Variants in PDZD2 observed in about 807,000 individuals in gnomAD.
PDZD2 encodes the protein PDZ domain containing 2.
Under a neutral mutation model 220.7 loss-of-function variants are expected in PDZD2, and 90 were observed. That is an observed-to-expected ratio of 0.41 (90% CI 0.34 to 0.49). The LOEUF (loss-of-function observed/expected upper bound fraction) is 0.49. Among genes scored for constraint, PDZD2 ranks in the 20% least tolerant of loss-of-function variants. The pLI, the probability that PDZD2 is intolerant of heterozygous loss-of-function variation, is 0.28. For missense variants in PDZD2, 3,174 were observed against 3,608.5 expected (o/e 0.88, Z 3.08); for synonymous variants, 1,375 against 1,450.5 (o/e 0.95, Z 1.18).
intron 2 of PDZD2, among the ~76,000 whole-genome samples, chr5:31,965,068 C>T (rs1304646322): frequency 6.6e-6 from 1 of 152,096 alleles, no homozygotes; most frequent in East Asian, 1.9e-4. Context: ...TGATAGGGCT[C>T]CGATGAGTGG....
intron 1 of PDZD2, among the ~76,000 whole-genome samples, chr5:31,737,373 C>A (rs563479808): frequency 6.6e-6 from 1 of 151,894 alleles, no homozygotes; most frequent in Admixed American, 6.6e-5. Flanking sequence ...GGGGTTTCAC[C>A]GTGTTAGCCA....
chr5:31,823,910 C>G (rs538233660), intron 2 of PDZD2, among the ~76,000 whole-genome samples: 1 of 152,060 alleles, frequency 6.6e-6, no homozygotes, highest in Admixed American at 6.6e-5. Flanking sequence ...ATGTGTAAGG[C>G]GAAGGGGCTT....
At chr5:31,979,640 A>G (rs1270422497) in intron 2 of PDZD2, among the ~76,000 whole-genome samples, 1 of 152,168 alleles carries the variant, frequency 6.6e-6, no homozygotes, top group African/African-American at 2.4e-5. Context: ...CACCAGATCA[A>G]TACTGTTGGG....
At chr5:32,059,492 A>G (rs6889757) in intron 13 of PDZD2, 136 bp downstream of exon 13, 251 of 505,904 alleles carry the variant, frequency 5.0e-4, no homozygotes, top group African/African-American at 4.2e-3. Context: ...AGCCAAGACT[A>G]CAATTAATAG....
At chr5:31,674,778 G>A (rs1000260330) in intron 1 of PDZD2, among the ~76,000 whole-genome samples, 6 of 152,194 alleles carry the variant, frequency 3.9e-5, no homozygotes, top group African/African-American at 1.2e-4. Context: ...TCTTTGTGGC[G>A]GGTATGGTAC....
chr5:31,983,575 T>A lies in PDZD2; in HGVS notation c.897T>A (p.Ala299=). ...GTEHRIPKTD[A]PLTTSNDKRR... is the part of the protein sequence containing the mutation. ...AGCATAGAATTCCAAAGACAGATGCTCCTCTGACCACAAGCAATGACAAAC... is the reference window on the plus strand; with the variant it reads ...AGCATAGAATTCCAAAGACAGATGCACCTCTGACCACAAGCAATGACAAAC... The change falls in exon 3 of 25, where the codon GCT becomes GCA. Residue 299 remains alanine, a synonymous_variant. Coordinates refer to ENST00000438447, the MANE Select transcript of PDZD2 (RefSeq NM_178140.4). 1.2e-6 allele frequency: 2 copies of A among 1,614,066 alleles called. No individual in the cohort carries two copies. The highest frequency in any genetic ancestry group is 1.7e-6 in the Non-Finnish European group (2 of 1,179,976).
chr5:31,847,147 G>C (rs1179447598), intron 2 of PDZD2: 1 of 160,796 alleles, frequency 6.2e-6, no homozygotes, highest in Non-Finnish European at 1.4e-5. Flanking sequence ...CTGTCTCATA[G>C]ATACTGAATT....
intron 6 of PDZD2, among the ~76,000 whole-genome samples, chr5:32,028,147 A>G (rs1581317230): frequency 6.6e-6 from 1 of 152,190 alleles, no homozygotes; most frequent in African/African-American, 2.4e-5. Context: ...CACAAAGGAA[A>G]CAGCTGGAGA....
At position 32,110,433 on chromosome 5, in the gene PDZD2, A is replaced by T. The variant is rs530660190; in HGVS notation, c.*2298A>T. ...AAAAGCTAAACTGTCTTTGACCCTAAGATAGATAGAAAGCTATTTATTTGT... is the reference window on the plus strand; with the variant it reads ...AAAAGCTAAACTGTCTTTGACCCTATGATAGATAGAAAGCTATTTATTTGT... On this transcript the variant is annotated 3_prime_UTR_variant, in exon 25 of 25. Coordinates refer to ENST00000438447, the MANE Select transcript of PDZD2 (RefSeq NM_178140.4). The T allele has an allele frequency of 3.9e-5, 6 of 152,536 alleles. No homozygotes were observed. Among genetic ancestry groups the T allele is most frequent in the African/African-American group, 1.4e-4 (6 of 41,472 alleles). The allele number at this position is 152,536 out of a possible 1,614,324, so 9.4% of individuals were successfully genotyped here. A position where few individuals can be genotyped will look rare whatever the true frequency, so the allele number is the denominator to read the frequency against.
At position 31,799,465 on chromosome 5, in the gene PDZD2, C is replaced by G; in HGVS notation, c.217C>G (p.Leu73Val). The change falls in exon 2 of 25, where the codon CTC becomes GTC. Residue 73 changes from leucine (L) to valine (V), a missense_variant. Physicochemically the swap from Leu to Val is conservative, Grantham distance 32. Around this residue, in one of 4 missense-constraint regions of PDZD2, gnomAD observed 632 missense variants for 708.1 expected, o/e 0.89. Transcript: ENST00000438447. Reference protein sequence around the residue: ...PPEMEICTVYLTKELGDTETV... With the variant: ...PPEMEICTVYVTKELGDTETV... ...CGAAATGGAGATCTGTACTGTGTAC[C>G]TCACCAAGGAGCTGGGGGACACAGA... 1 of 1,614,162 alleles carries G rather than the reference C, an allele frequency of 6.2e-7. No individual in the cohort carries two copies. The highest frequency in any genetic ancestry group is 2.2e-5 in the East Asian group (1 of 44,872).
chr5:31,916,391 G>A (rs542677890), intron 2 of PDZD2, among the ~76,000 whole-genome samples: 11 of 152,364 alleles, frequency 7.2e-5, no homozygotes, highest in Non-Finnish European at 1.6e-4. Context: ...ACAGTCAGGT[G>A]TAGAGGCCTG....
chr5:31,701,116 G>T (rs1747587927), intron 1 of PDZD2, among the ~76,000 whole-genome samples: 1 of 152,220 alleles, frequency 6.6e-6, no homozygotes, highest in African/African-American at 2.4e-5. Context: ...CCAGTGCTGA[G>T]CACACAGCGG....
chr5:31,850,234 A>AT (rs1561508256), intron 2 of PDZD2, among the ~76,000 whole-genome samples: 1 of 98,080 alleles, frequency 1.0e-5, no homozygotes, highest in Non-Finnish European at 2.2e-5. Flanking sequence ...AAGTATATAT[A>AT]TATATATATA....
At chr5:32,023,014 G>A (rs1754344790) in intron 6 of PDZD2, among the ~76,000 whole-genome samples, 1 of 152,162 alleles carries the variant, frequency 6.6e-6, no homozygotes, top group African/African-American at 2.4e-5. Flanking sequence ...CAGGAGTGAT[G>A]GTCATGAGGA....
intron 1 of PDZD2, among the ~76,000 whole-genome samples, chr5:31,696,749 C>G (rs1747396472): frequency 6.6e-6 from 1 of 152,208 alleles, no homozygotes; most frequent in African/African-American, 2.4e-5. Flanking sequence ...GTCTCTTAAC[C>G]TCAACCCCTT....
At chr5:31,645,483 C>T (rs962610132) in intron 1 of PDZD2, among the ~76,000 whole-genome samples, 5 of 152,026 alleles carry the variant, frequency 3.3e-5, no homozygotes, top group African/African-American at 7.3e-5. Context: ...ACTACAGGTG[C>T]GTGCCACCAC....
intron 20 of PDZD2, 104 bp downstream of exon 20, chr5:32,091,279 CTTT>C (rs57254389): frequency 0.024 from 6,131 of 259,248 alleles, no homozygotes; most frequent in East Asian, 0.037. Flanking sequence ...TTCCCACTTA[CTTT>C]TTTTTTTTTT....
chr5:31,814,016 C>T (rs1008248800), intron 2 of PDZD2, among the ~76,000 whole-genome samples: 12 of 152,056 alleles, frequency 7.9e-5, no homozygotes, highest in Non-Finnish European at 1.5e-4. Context: ...TTTGTAAAAA[C>T]TTTTTTAAAT....
At chr5:32,054,391 A>G (rs1038097958) in intron 10 of PDZD2, among the ~76,000 whole-genome samples, 2 of 133,760 alleles carry the variant, frequency 1.5e-5, no homozygotes, top group Admixed American at 8.8e-5. Flanking sequence ...TGGCATGATC[A>G]TGGCTCACTG....
Sources: gnomAD v4.1 joint callset for allele counts (sites outside exome capture counted in the v4.1 genomes callset) on GRCh38, gnomAD v4.1.1 for gene constraint, gnomAD v4.1.1 regional missense constraint, MANE v1.5 for transcripts, NCBI Gene and HGNC (gene_info 2026-07-23, HGNC 2026-07-21) for gene names.